Variants in SNX14 observed in about 807,000 individuals in gnomAD.
SNX14 encodes the protein sorting nexin 14.
In SNX14, 93 loss-of-function variants were observed where a neutral mutation model predicts 133.8. That is an observed-to-expected ratio of 0.70 (90% CI 0.59 to 0.83). SNX14 has a LOEUF of 0.83. Among genes scored for constraint, SNX14 ranks in the 40% least tolerant of loss-of-function variants. The pLI is 0.00. For missense variants in SNX14, 945 were observed against 1,094.9 expected, an observed-to-expected ratio of 0.86 and a Z score of 1.93; for synonymous variants, 368 against 365.6, an observed-to-expected ratio of 1.01 and a Z score of -0.07.
At chr6:85,512,621 C>CAA (rs11336326) in intron 26 of SNX14, among the ~76,000 whole-genome samples, 5 of 123,518 alleles carry the variant, frequency 4.0e-5, no homozygotes, top group African/African-American at 9.1e-5. Flanking sequence ...GGCTCTGTCT[C>CAA]AAAAAAAAAA....
rs376390343 is a variant in SNX14, at chr6:85,549,424, A to G, written c.791+299T>C. Reference sequence around the variant, plus strand: ...AATGTGCATGTCTTTAAAGGGGAACACCAATGAAATAAAATATAATGGCAT... The same window carrying G: ...AATGTGCATGTCTTTAAAGGGGAACGCCAATGAAATAAAATATAATGGCAT... On this transcript the variant is annotated intron_variant, in intron 8 of 28. Coordinates refer to ENST00000314673, the MANE Select transcript of SNX14 (RefSeq NM_153816.6). 1.6e-3 allele frequency among the ~76,000 whole-genome samples: 237 copies of G among 152,280 alleles called. 5 individuals carry two copies. In the South Asian group the frequency reaches 0.047, roughly 30 times the overall value.
In SNX14 at chr6:85,536,928, A is replaced by T; in HGVS notation, c.1476-4T>A. ...TTCTCCCCTTTTCTGTGTGTTCCTG[A>T]ATATTAAACAAAAATGTATCAAGTA... On this transcript the variant is annotated splice_region_variant and splice_polypyrimidine_tract_variant and intron_variant, in intron 16 of 28. Coordinates refer to ENST00000314673, the MANE Select transcript of SNX14 (RefSeq NM_153816.6). 1 of 1,610,640 alleles carries T rather than the reference A, an allele frequency of 6.2e-7. No homozygotes were observed. The highest frequency in any genetic ancestry group is 1.1e-5 in the South Asian group (1 of 90,550).
intron 28 of SNX14, 69 bp from the exon 29 acceptor site, chr6:85,506,074 C>A: frequency 2.0e-6 from 2 of 999,104 alleles, no homozygotes; most frequent in Non-Finnish European, 3.2e-6. Flanking sequence ...CCTAACAGCT[C>A]TAGTGTATTA....
intron 4 of SNX14, among the ~76,000 whole-genome samples, chr6:85,570,222 C>T (rs941870419): frequency 5.9e-5 from 9 of 152,180 alleles, no homozygotes; most frequent in African/African-American, 2.2e-4. Flanking sequence ...CAGTTCCTAC[C>T]TATAAGATAT....
At chr6:85,549,012 C>G (rs1310366924) in intron 8 of SNX14, among the ~76,000 whole-genome samples, 1 of 149,898 alleles carries the variant, frequency 6.7e-6, no homozygotes, top group African/African-American at 2.5e-5. Context: ...TACTTTCTAT[C>G]TAAGAATACT....
chr6:85,546,705 G>A (rs1158676980), intron 12 of SNX14, among the ~76,000 whole-genome samples: 2 of 152,124 alleles, frequency 1.3e-5, no homozygotes, highest in Non-Finnish European at 2.9e-5. Context: ...GCTCACGCCT[G>A]TAACCCCAGC....
chr6:85,552,246 C>T (rs913018261), intron 7 of SNX14, among the ~76,000 whole-genome samples: 1 of 151,744 alleles, frequency 6.6e-6, no homozygotes, highest in Non-Finnish European at 1.5e-5. Flanking sequence ...CCGTTTTAGC[C>T]GGGATGGTCT....
chr6:85,574,470 C>A, intron 1 of SNX14, 92 bp from the exon 2 acceptor site: 1 of 832,814 alleles, frequency 1.2e-6, no homozygotes, highest in Non-Finnish European at 1.8e-6. Flanking sequence ...TCATTAAGCA[C>A]CTACAATATC....
At chr6:85,582,721 G>C (rs1488051469) in intron 1 of SNX14, among the ~76,000 whole-genome samples, 1 of 152,042 alleles carries the variant, frequency 6.6e-6, no homozygotes, top group African/African-American at 2.4e-5. Context: ...GACTAAACCA[G>C]GAAGAAGTTG....
chr6:85,550,938 C>G (rs757596128), intron 7 of SNX14, among the ~76,000 whole-genome samples: 1 of 151,926 alleles, frequency 6.6e-6, no homozygotes, highest in Non-Finnish European at 1.5e-5. Context: ...CGGCCACCAC[C>G]TCCAGCTAAT....
At chr6:85,581,831 A>T (rs971905294) in intron 1 of SNX14, 1 of 152,202 alleles carries the variant, frequency 6.6e-6, no homozygotes, top group Non-Finnish European at 1.5e-5. Flanking sequence ...AACAAAACAC[A>T]ACTAAAAGAT....
At chr6:85,557,707 G>A (rs1582908769) in intron 7 of SNX14, among the ~76,000 whole-genome samples, 1 of 152,144 alleles carries the variant, frequency 6.6e-6, no homozygotes, top group South Asian at 2.1e-4. Context: ...AAAGGGTGAA[G>A]AGAAATGAAA....
intron 23 of SNX14, 90 bp from the exon 24 acceptor site, chr6:85,514,719 G>C (rs1004023988): frequency 8.4e-6 from 11 of 1,316,770 alleles, no homozygotes; most frequent in Non-Finnish European, 1.1e-5. Flanking sequence ...CACAGCAAAG[G>C]CATTTAAACT....
chr6:85,528,913 G>C (rs1432953471), intron 19 of SNX14, among the ~76,000 whole-genome samples: 1 of 114,106 alleles, frequency 8.8e-6, no homozygotes, highest in East Asian at 2.2e-4. Flanking sequence ...TTAGCCAGGC[G>C]TGGTGGTAAA....
chr6:85,542,806 C>T (rs1341104371), intron 14 of SNX14, among the ~76,000 whole-genome samples: 1 of 152,072 alleles, frequency 6.6e-6, no homozygotes, highest in Non-Finnish European at 1.5e-5. Context: ...TGCTCTATGG[C>T]CCAGGCTTGA....
In SNX14 at chr6:85,533,774, T is replaced by G. The variant is rs1780990872; in HGVS notation, c.1635A>C (p.Glu545Asp). The change falls in exon 18 of 29, where the codon GAA (glutamate) becomes GAC (aspartate). Residue 545 changes from glutamate (E) to aspartate (D), a missense_variant. This residue lies in a region of SNX14 where 412 missense variants were observed against 516.6 expected (regional missense o/e 0.80). Transcript: ENST00000314673. ...TCACAGCCTCCACTGGAGAATCATC[T>G]TCCATTACAACAATACCTTCTTCAA... ...DFIEEGIVVMEDDSPVEAVST... is the reference protein window; with the variant it reads ...DFIEEGIVVMDDDSPVEAVST... 1.2e-6 allele frequency: 2 copies of G among 1,613,352 alleles called. No homozygotes were observed. The highest frequency in any genetic ancestry group is 1.7e-6 in the Non-Finnish European group (2 of 1,179,942).
At chr6:85,562,093 T>G (rs924559318) in intron 6 of SNX14, among the ~76,000 whole-genome samples, 1 of 152,232 alleles carries the variant, frequency 6.6e-6, no homozygotes, top group African/African-American at 2.4e-5. Context: ...AATGAGAACA[T>G]GCAATATTTG....
chr6:85,555,686 T>C (rs1013596271), intron 7 of SNX14, among the ~76,000 whole-genome samples: 2 of 152,136 alleles, frequency 1.3e-5, no homozygotes, highest in African/African-American at 2.4e-5. Flanking sequence ...GAATGCACAA[T>C]GTAAAGAGTA....
intron 26 of SNX14, among the ~76,000 whole-genome samples, chr6:85,512,029 T>G (rs1773009465): frequency 6.6e-6 from 1 of 152,142 alleles, no homozygotes; most frequent in African/African-American, 2.4e-5. Flanking sequence ...CACATGCTTC[T>G]CAGGCCCCCC....
Sources: gnomAD v4.1 joint callset for allele counts (sites outside exome capture counted in the v4.1 genomes callset) on GRCh38, gnomAD v4.1.1 for gene constraint, gnomAD v4.1.1 regional missense constraint, MANE v1.5 for transcripts, NCBI Gene and HGNC (gene_info 2026-07-23, HGNC 2026-07-21) for gene names.